Variants in NRTN observed in about 807,000 individuals in gnomAD.
The protein encoded by NRTN is prepro-neurturin.
NRTN carries 3 observed loss-of-function variants against 7.5 expected under a neutral mutation model. That is an observed-to-expected ratio of 0.40 (90% CI 0.18 to 1.03). NRTN has a LOEUF of 1.03. NRTN is among the 50% of genes least tolerant of loss of function. NRTN has a pLI of 0.34. For missense variants in NRTN, 310 were observed against 307.0 expected (o/e 1.01, Z -0.07); for synonymous variants, 157 against 146.6 (o/e 1.07, Z -0.51).
chr19:5,813,352 T>C (rs1381320645), intron 1 of NRTN, among the ~76,000 whole-genome samples: 1 of 151,510 alleles, frequency 6.6e-6, no homozygotes, highest in Admixed American at 6.6e-5. Flanking sequence ...CTGGCCAACA[T>C]GGTGAAACCC....
At chr19:5,817,388 A>C (rs2057008156) in intron 1 of NRTN, among the ~76,000 whole-genome samples, 1 of 145,816 alleles carries the variant, frequency 6.9e-6, no homozygotes, top group Non-Finnish European at 1.5e-5. Flanking sequence ...GGAGGGAGGA[A>C]AGGAGTGAGG....
At chr19:5,807,147 G>C (rs1387922754) in intron 1 of NRTN, among the ~76,000 whole-genome samples, 1 of 152,158 alleles carries the variant, frequency 6.6e-6, no homozygotes, top group Non-Finnish European at 1.5e-5. Flanking sequence ...GGCATTCCAG[G>C]TGGCTGTGCA....
In NRTN at chr19:5,820,735, C is replaced by CAAAAAAAAAA. The variant is rs1332878144; in HGVS notation, c.-398-3031_-398-3030insAAAAAAAAAA. 6.1e-4 allele frequency among the ~76,000 whole-genome samples: 38 copies of CAAAAAAAAAA among 62,136 alleles called. 7 individuals are homozygous for CAAAAAAAAAA. Among genetic ancestry groups the CAAAAAAAAAA allele is most frequent in the Admixed American group, 2.7e-3 (11 of 4,108 alleles). The allele number at this position is 62,136 out of a possible 152,430, so 40.8% of individuals were successfully genotyped here. ...TGGGCAACAGAGTGAAACTCTGTCTCAAGAAAAAAAAAAAAAAAAAAAAAA... is the reference window on the plus strand; with the variant it reads ...TGGGCAACAGAGTGAAACTCTGTCTCAAAAAAAAAAAAGAAAAAAAAAAAAAAAAAAAAAA... On this transcript the variant is annotated intron_variant, in intron 1 of 2. Transcript: ENST00000303212.
At chr19:5,827,700 A>G in intron 2 of NRTN, 49 bp from the exon 3 acceptor site, 1 of 207,996 alleles carries the variant, frequency 4.8e-6, no homozygotes, top group Non-Finnish European at 8.9e-6. Flanking sequence ...GCTCCCTCCC[A>G]CCCCCTGCAC....
At chr19:5,819,032 A>G (rs1024089647) in intron 1 of NRTN, among the ~76,000 whole-genome samples, 1 of 152,122 alleles carries the variant, frequency 6.6e-6, no homozygotes, top group Non-Finnish European at 1.5e-5. Flanking sequence ...TTCCAATCCA[A>G]TGGGGAAACT....
At chr19:5,827,569 G>A (rs1225838441) in intron 2 of NRTN, among the ~76,000 whole-genome samples, 180 bp from the exon 3 acceptor site, 1 of 152,068 alleles carries the variant, frequency 6.6e-6, no homozygotes, top group African/African-American at 2.4e-5. Flanking sequence ...CCCAGAGAGG[G>A]TGCATGAGCA....
In NRTN at chr19:5,824,332, A is replaced by G; in HGVS notation, c.167A>G (p.Gln56Arg). 6.3e-7 allele frequency: 1 copy of G among 1,599,998 alleles called. No individual in the cohort carries two copies. The highest frequency in any genetic ancestry group is 2.2e-5 in the East Asian group (1 of 44,546). The change falls in exon 2 of 3, where the codon CAG (glutamine) becomes CGG (arginine). Residue 56 changes from glutamine (Q) to arginine (R), a missense_variant and splice_region_variant. Coordinates refer to ENST00000303212, the MANE Select transcript of NRTN (RefSeq NM_004558.5). The stretch of plus-strand genomic sequence containing the variant: ...GACGCCCGGATTGCCCGCCTGGCCC[A>G]GTGTAAGCTCCTCCTCTGTGTGGGG... Reference protein sequence around the residue: ...TLDARIARLAQYRALLQGAPD... With the variant: ...TLDARIARLARYRALLQGAPD...
At chr19:5,813,410 GC>G (rs2056996104) in intron 1 of NRTN, among the ~76,000 whole-genome samples, 1 of 151,752 alleles carries the variant, frequency 6.6e-6, no homozygotes, top group Non-Finnish European at 1.5e-5. Context: ...GGTGGCTCAC[GC>G]CTGTAATCCC....
In NRTN at chr19:5,821,454, C is replaced by CGTG. The variant is rs2057024425; in HGVS notation, c.-398-2314_-398-2313insGTG. Among the ~76,000 whole-genome samples the CGTG allele has an allele frequency of 1.3e-5, 2 of 151,786 alleles. 1 individual carries two copies. Among genetic ancestry groups the CGTG allele is most frequent in the South Asian group, 4.2e-4 (2 of 4,804 alleles). Reference sequence around the variant, plus strand: ...CGAGTAGCTGGGATTACAGGTGTGCCACCACGCCCGGCTAATTTTTGTATT... The same window carrying CGTG: ...CGAGTAGCTGGGATTACAGGTGTGCCGTGACCACGCCCGGCTAATTTTTGTATT... On this transcript the variant is annotated intron_variant, in intron 1 of 2. Transcript: ENST00000303212.
At position 5,820,135 on chromosome 19, in the gene NRTN, A is replaced by C. The variant is rs10417568; in HGVS notation, c.-398-3633A>C. Among the ~76,000 whole-genome samples, 400 of 144,306 alleles carry C rather than the reference A, an allele frequency of 2.8e-3. 6 individuals are homozygous for C. Among genetic ancestry groups the C allele is most frequent in the Non-Finnish European group, 4.5e-3 (303 of 67,274 alleles). 94.7% of individuals were successfully genotyped at this position (144,306 alleles called of 152,430 possible). A position where few individuals can be genotyped will look rare whatever the true frequency, so the allele number is the denominator to read the frequency against. ...CAAAAATTTAGCTGGGCGTGGTGGC[A>C]GACGCCTGTAGTCCCAGCTACTCAG... On this transcript the variant is annotated intron_variant, in intron 1 of 2. Transcript: ENST00000303212.
At chr19:5,822,187 C>T (rs79203077) in intron 1 of NRTN, among the ~76,000 whole-genome samples, 8,318 of 152,066 alleles carry the variant, frequency 0.055, 767 homozygotes, top group African/African-American at 0.19. Flanking sequence ...ACACGAGGCG[C>T]GGTCCATGCA....
chr19:5,812,179 T>TTAG (rs1440792607), intron 1 of NRTN, among the ~76,000 whole-genome samples: 1 of 151,604 alleles, frequency 6.6e-6, no homozygotes, highest in African/African-American at 2.4e-5. Flanking sequence ...CCAGTTATTA[T>TTAG]TATTATTATT....
Position 5,828,082 on chromosome 19 carries a change from C to G in NRTN, c.503C>G (p.Thr168Arg). ...CGCGCGCAGCCCTGCTGCCGCCCGA[C>G]GGCCTACGAGGACGAGGTGTCCTTC... ...RVRAQPCCRP[T>R]AYEDEVSFLD... Residue 168 changes from threonine to arginine, a missense_variant, in exon 3 of 3, where the codon ACG becomes AGG. Coordinates refer to ENST00000303212, the MANE Select transcript of NRTN (RefSeq NM_004558.5). 1 of 1,480,902 alleles carries G rather than the reference C, an allele frequency of 6.8e-7. No individual in the cohort carries two copies. The allele number at this position is 1,480,902 out of a possible 1,614,324, so 91.7% of individuals were successfully genotyped here.
chr19:5,825,951 T>G (rs931015592), intron 2 of NRTN, among the ~76,000 whole-genome samples: 30 of 152,144 alleles, frequency 2.0e-4, no homozygotes, highest in Middle Eastern at 3.4e-3. Flanking sequence ...TGGCTAACAC[T>G]GTGAAACCCT....
intron 1 of NRTN, among the ~76,000 whole-genome samples, chr19:5,813,628 C>T (rs974113299): frequency 7.4e-5 from 11 of 149,436 alleles, no homozygotes; most frequent in Admixed American, 3.3e-4. Flanking sequence ...GAGCTGTGAT[C>T]ATGCCACTGC....
chr19:5,810,854 A>G (rs1327402653), intron 1 of NRTN, among the ~76,000 whole-genome samples: 8 of 150,062 alleles, frequency 5.3e-5, no homozygotes, highest in Non-Finnish European at 1.0e-4. Context: ...GCTTGAACCC[A>G]GGAGGCAGAG....
chr19:5,811,770 C>T lies in NRTN; in HGVS notation c.-399+6319C>T, dbSNP rs191364381. ...TTCACCATGTTAGCCAGGCTGGTCT[C>T]GAACTCCTGGCCTAAAGTGATCCAC... On this transcript the variant is annotated intron_variant, in intron 1 of 2. Coordinates refer to ENST00000303212, the MANE Select transcript of NRTN (RefSeq NM_004558.5). Among the ~76,000 whole-genome samples the T allele has an allele frequency of 9.9e-5, 15 of 151,284 alleles. No homozygotes were observed. In the East Asian group the frequency reaches 2.3e-3, roughly 23 times the overall value.
Position 5,827,954 on chromosome 19 carries a change from G to C in NRTN, c.375G>C (p.Val125=), listed in dbSNP as rs770063715. The C allele has an allele frequency of 8.1e-6, 12 of 1,489,522 alleles. No individual in the cohort carries two copies. In the Admixed American group the frequency reaches 2.4e-4, roughly 29 times the overall value. 92.3% of individuals were successfully genotyped at this position (1,489,522 alleles called of 1,614,324 possible). Residue 125 remains valine, a synonymous_variant, in exon 3 of 3, where the codon GTG becomes GTC. Coordinates refer to ENST00000303212, the MANE Select transcript of NRTN (RefSeq NM_004558.5). ...LGLGYASDET[V]LFRYCAGACE... The stretch of plus-strand genomic sequence containing the variant: ...TGGGCTACGCGTCCGACGAGACGGT[G>C]CTGTTCCGCTACTGCGCAGGCGCCT...
In NRTN at chr19:5,824,071, C is replaced by G; in HGVS notation, c.-95C>G. 1 of 1,507,748 alleles carries G rather than the reference C, an allele frequency of 6.6e-7. No individual in the cohort carries two copies. Among genetic ancestry groups the G allele is most frequent in the South Asian group, 1.1e-5 (1 of 88,730 alleles). The allele number at this position is 1,507,748 out of a possible 1,614,324, so 93.4% of individuals were successfully genotyped here. A position where few individuals can be genotyped will look rare whatever the true frequency, so the allele number is the denominator to read the frequency against. Reference sequence around the variant, plus strand: ...TCGGCAGGCGTTCAAAGTCAAAGGCCCCACACTGAGTCCTGGCCCAGCGCC... The same window carrying G: ...TCGGCAGGCGTTCAAAGTCAAAGGCGCCACACTGAGTCCTGGCCCAGCGCC... On this transcript the variant is annotated 5_prime_UTR_variant, in exon 2 of 3. Coordinates refer to ENST00000303212, the MANE Select transcript of NRTN (RefSeq NM_004558.5).
Sources: allele counts gnomAD v4.1 joint callset (sites outside exome capture counted in the v4.1 genomes callset), GRCh38; gene constraint gnomAD v4.1.1; transcripts MANE v1.5; gene names NCBI Gene and HGNC (gene_info 2026-07-23, HGNC 2026-07-21).